The following ST18 variants were observed in gnomAD, a reference collection of about 807,000 sequenced individuals.
The protein encoded by ST18 is suppression of tumorigenicity 18 protein.
In ST18, 50 loss-of-function variants were observed where a neutral mutation model predicts 110.0. The observed-to-expected ratio is 0.45, with a 90% CI of 0.36 to 0.58. The LOEUF (loss-of-function observed/expected upper bound fraction) is 0.58. Among genes scored for constraint, ST18 ranks in the 20% least tolerant of loss-of-function variants. The pLI, the probability that ST18 is intolerant of heterozygous loss-of-function variation, is 0.00. For missense variants in ST18, 1,306 were observed against 1,280.1 expected (o/e 1.02, Z -0.31); for synonymous variants, 461 against 452.4 (o/e 1.02, Z -0.24).
chr8:52,228,954 G>A (rs1047315147), intron 3 of ST18, among the ~76,000 whole-genome samples: 7 of 152,092 alleles, frequency 4.6e-5, no homozygotes, highest in Admixed American at 3.3e-4. Flanking sequence ...GAGTGACACA[G>A]GTATTGCATT....
intron 23 of ST18, among the ~76,000 whole-genome samples, chr8:52,119,242 T>C (rs1461355391): frequency 1.3e-5 from 2 of 152,158 alleles, no homozygotes; most frequent in South Asian, 4.2e-4. Flanking sequence ...AGGCTCTCAG[T>C]GAATGGGGGT....
At chr8:52,151,494 A>G (rs536763675) in intron 15 of ST18, among the ~76,000 whole-genome samples, 54 of 152,342 alleles carry the variant, frequency 3.5e-4, no homozygotes, top group African/African-American at 1.3e-3. Flanking sequence ...ATCCGGGATA[A>G]TAACTTAGTA....
rs149688561 is a variant in ST18 at position 52,151,982 on chromosome 8, T to C, written c.1807-2005A>G. ...ACAAGACTAATATATATTTTAGTTT[T>C]TACAGGCAAAAATTCTAAATAGTCC... is the stretch of plus-strand genomic sequence containing the variant. On this transcript the variant is annotated intron_variant, in intron 15 of 25. Coordinates refer to ENST00000689386, the MANE Select transcript of ST18 (RefSeq NM_001352837.2). 2.8e-3 allele frequency among the ~76,000 whole-genome samples: 422 copies of C among 152,342 alleles called. 1 individual carries two copies. The highest frequency in any genetic ancestry group is 4.6e-3 in the Non-Finnish European group (316 of 68,024).
chr8:52,242,611 G>A (rs928270239), intron 2 of ST18, among the ~76,000 whole-genome samples: 1 of 152,230 alleles, frequency 6.6e-6, no homozygotes, highest in Non-Finnish European at 1.5e-5. Flanking sequence ...AGCCGAGGCA[G>A]ATTGATCACT....
At chr8:52,381,971 AAAC>A (rs140426826) in intron 2 of ST18, among the ~76,000 whole-genome samples, 91,309 of 132,330 alleles carry the variant, frequency 0.69, 34,407 homozygotes, top group Non-Finnish European at 0.85. Flanking sequence ...CTGCATTAAA[AAAC>A]AAAAAAAAAC....
intron 16 of ST18, among the ~76,000 whole-genome samples, chr8:52,146,394 A>G (rs1366324585): frequency 2.0e-5 from 3 of 150,548 alleles, no homozygotes; most frequent in Non-Finnish European, 4.4e-5. Context: ...TTCCTATTAA[A>G]TTTTTCTCAA....
chr8:52,235,371 A>G (rs542377219), intron 2 of ST18, among the ~76,000 whole-genome samples: 2 of 152,178 alleles, frequency 1.3e-5, no homozygotes, highest in South Asian at 4.1e-4. Context: ...GCTCACGGTC[A>G]GCTCCAGACT....
In ST18 at chr8:52,126,094, C is replaced by G. The variant is rs938670711; in HGVS notation, c.2713G>C (p.Val905Leu). 22 of 1,613,996 alleles carry G rather than the reference C, an allele frequency of 1.4e-5. No homozygotes were observed. Among genetic ancestry groups the G allele is most frequent in the African/African-American group, 2.7e-5 (2 of 74,920 alleles). ...TTGATGGTCATGAGTTCTTCAGAAA[C>G]CTTGCCCTTTTTGATAACTTGTGCA... is the stretch of plus-strand genomic sequence containing the variant. ...LNAQVIKKGK[V>L]SEELMTIKLK... Residue 905 changes from valine (V) to leucine (L), a missense_variant, in exon 23 of 26, where the codon GTT (valine) becomes CTT (leucine). Physicochemically the swap from Val to Leu is conservative, Grantham distance 32. Transcript: ENST00000689386.
chr8:52,254,986 G>A (rs916547676), intron 2 of ST18, among the ~76,000 whole-genome samples: 3 of 152,264 alleles, frequency 2.0e-5, no homozygotes, highest in Admixed American at 6.5e-5. Flanking sequence ...AAGATACAGC[G>A]GGAGAGCTTG....
intron 2 of ST18, among the ~76,000 whole-genome samples, chr8:52,384,242 A>T (rs1166063105): frequency 6.6e-6 from 1 of 152,192 alleles, no homozygotes; most frequent in African/African-American, 2.4e-5. Context: ...AAATCAAAGC[A>T]AAGGGAAAGC....
At chr8:52,365,297 G>A (rs13274615) in intron 2 of ST18, among the ~76,000 whole-genome samples, 150,377 of 152,236 alleles carry the variant, frequency 0.99, 74,293 homozygotes, top group Middle Eastern at 1. Context: ...AGAATGTTTC[G>A]CCAAAGCTAA....
intron 3 of ST18, among the ~76,000 whole-genome samples, chr8:52,222,540 C>T (rs2087263205): frequency 6.6e-6 from 1 of 152,138 alleles, no homozygotes; most frequent in East Asian, 1.9e-4. Context: ...CAAAATATAA[C>T]TTTAGAAATA....
chr8:52,242,081 A>G (rs1045993565), intron 2 of ST18, among the ~76,000 whole-genome samples: 1 of 152,196 alleles, frequency 6.6e-6, no homozygotes, highest in African/African-American at 2.4e-5. Context: ...TTTATTTATT[A>G]GTACACTTTC....
intron 5 of ST18, among the ~76,000 whole-genome samples, chr8:52,218,664 T>C (rs1362763853): frequency 6.6e-6 from 1 of 150,470 alleles, no homozygotes; most frequent in African/African-American, 2.5e-5. Flanking sequence ...CCTCCCAAAG[T>C]GCTGGGATTA....
intron 2 of ST18, among the ~76,000 whole-genome samples, chr8:52,329,450 T>C (rs903066122): frequency 3.3e-5 from 5 of 152,116 alleles, no homozygotes; most frequent in Non-Finnish European, 7.3e-5. Context: ...TGTGAAATCC[T>C]GAAGTCTCTA....
intron 2 of ST18, among the ~76,000 whole-genome samples, chr8:52,272,209 A>T (rs916767808): frequency 2.6e-5 from 4 of 152,216 alleles, no homozygotes; most frequent in African/African-American, 9.6e-5. Context: ...AACAAATGAG[A>T]CTAAGTCAAA....
At chr8:52,240,372 CTTAT>C (rs1357152564) in intron 2 of ST18, among the ~76,000 whole-genome samples, 7 of 151,950 alleles carry the variant, frequency 4.6e-5, no homozygotes, top group African/African-American at 1.7e-4. Flanking sequence ...ATTTTGCTAC[CTTAT>C]TATACAGAAA....
chr8:52,222,436 C>A (rs1468789607), intron 3 of ST18, among the ~76,000 whole-genome samples: 2 of 152,228 alleles, frequency 1.3e-5, no homozygotes, highest in African/African-American at 4.8e-5. Flanking sequence ...CAGCCCTCTG[C>A]CCTAACCCCA....
chr8:52,313,089 G>A (rs1338852607), intron 2 of ST18: 5 of 152,428 alleles, frequency 3.3e-5, no homozygotes, highest in Non-Finnish European at 4.4e-5. Flanking sequence ...AAAGCCATGT[G>A]ATCCCAGGCC....
Sources: allele counts gnomAD v4.1 joint callset (sites outside exome capture counted in the v4.1 genomes callset), GRCh38; gene constraint gnomAD v4.1.1; transcripts MANE v1.5; gene names NCBI Gene and HGNC (gene_info 2026-07-23, HGNC 2026-07-21).